The following SLC27A3 variants were observed in gnomAD, a reference collection of about 807,000 sequenced individuals.
SLC27A3 encodes the protein solute carrier family 27 member 3.
In SLC27A3, 60 loss-of-function variants were observed where a neutral mutation model predicts 60.1. The observed-to-expected ratio is 1.00, with a 90% CI of 0.81 to 1.24. The LOEUF (loss-of-function observed/expected upper bound fraction) is 1.24, where lower values mean the gene tolerates loss of function less well. SLC27A3 is among the 50% of genes most tolerant of loss of function. The pLI, the probability that SLC27A3 is intolerant of heterozygous loss-of-function variation, is 0.00. For synonymous variants in SLC27A3, 455 were observed against 409.0 expected, an observed-to-expected ratio of 1.11 and a Z score of -1.36; for missense variants, 1,079 against 929.9, an observed-to-expected ratio of 1.16 and a Z score of -2.09.
rs141064582 is a variant in SLC27A3, at chr1:153,778,740, T to C, written c.1501T>C (p.Tyr501His). Reference sequence around the variant, plus strand: ...AAGCCAGCAGTCCCCATTCCTGGGCTATGCTGGCGGGCCAGAGCTGGCCCA... The same window carrying C: ...AAGCCAGCAGTCCCCATTCCTGGGCCATGCTGGCGGGCCAGAGCTGGCCCA... ...PVSQQSPFLG[Y>H]AGGPELAQGK... The change falls in exon 7 of 10, where the codon TAT becomes CAT. Residue 501 changes from tyrosine to histidine, a missense_variant. Transcript: ENST00000624995. The C allele has an allele frequency of 1.2e-6, 2 of 1,613,732 alleles. No individual in the cohort carries two copies. Among genetic ancestry groups the C allele is most frequent in the African/African-American group, 1.3e-5 (1 of 74,902 alleles).
In SLC27A3 at chr1:153,779,490, C is replaced by T. The variant is rs759007592; in HGVS notation, c.1875+17C>T. 3 of 1,608,088 alleles carry T rather than the reference C, an allele frequency of 1.9e-6. No individual in the cohort carries two copies. The highest frequency in any genetic ancestry group is 1.1e-5 in the South Asian group (1 of 90,748). On this transcript the variant is annotated intron_variant, in intron 9 of 9. Coordinates refer to ENST00000624995, the MANE Select transcript of SLC27A3 (RefSeq NM_024330.4). ...AGGCTCCAGGTAACCGGCCACTTCC[C>T]CCGCCGGCCCCTCACCCCATATATC...
In SLC27A3 at chr1:153,778,924, A is replaced by T. The variant is rs375266680; in HGVS notation, c.1646+39A>T. 19 of 1,592,194 alleles carry T rather than the reference A, an allele frequency of 1.2e-5. No individual in the cohort carries two copies. In the Admixed American group the frequency reaches 2.7e-4, roughly 22 times the overall value. On this transcript the variant is annotated intron_variant, in intron 7 of 9. Transcript: ENST00000624995. ...ACTGGTTTTTCATCCTGGACATCTGATCTCTGTGATCCAAAGCTTCTGAAC... is the reference window on the plus strand; with the variant it reads ...ACTGGTTTTTCATCCTGGACATCTGTTCTCTGTGATCCAAAGCTTCTGAAC...
intron 3 of SLC27A3, 129 bp from the exon 4 acceptor site, chr1:153,777,632 G>A: frequency 1.7e-6 from 2 of 1,208,994 alleles, no homozygotes; most frequent in Non-Finnish European, 2.4e-6. Flanking sequence ...TCCTGACGGT[G>A]TGACTCCCAC....
Position 153,775,532 on chromosome 1 carries a change from T to C in SLC27A3, c.35T>C (p.Leu12Ser). ...AALLLLPLLL[L>S]LPLLLLKLHL... ...CTCCTGCTGCTGCCCCTGCTGCTGTTGCTACCGCTGCTGCTGCTGAAGCTA... is the reference window on the plus strand; with the variant it reads ...CTCCTGCTGCTGCCCCTGCTGCTGTCGCTACCGCTGCTGCTGCTGAAGCTA... The change falls in exon 1 of 10, where the codon TTG (leucine) becomes TCG (serine). Residue 12 changes from leucine (L) to serine (S), a missense_variant. Coordinates refer to ENST00000624995, the MANE Select transcript of SLC27A3 (RefSeq NM_024330.4). 6.2e-7 allele frequency: 1 copy of C among 1,612,634 alleles called. No individual in the cohort carries two copies. The highest frequency in any genetic ancestry group is 8.5e-7 in the Non-Finnish European group (1 of 1,179,930).
At chr1:153,776,944 C>T in intron 2 of SLC27A3, 118 bp from the exon 3 acceptor site, 1 of 1,196,184 alleles carries the variant, frequency 8.4e-7, no homozygotes, top group Non-Finnish European at 1.2e-6. Context: ...TGGTCTCGGT[C>T]CTCAGCTTCT....
Position 153,778,336 on chromosome 1 carries a change from G to T in SLC27A3, c.1337G>T (p.Arg446Leu). ...NYTGQRGAVG[R>L]ASWLYKHIFP... ...ACAGGACAGCGGGGCGCTGTGGGGC[G>T]TGCTTCCTGGCTTTACAAGGTGAGG... The change falls in exon 5 of 10, where the codon CGT (arginine) becomes CTT (leucine). Residue 446 changes from arginine (R) to leucine (L), a missense_variant. Transcript: ENST00000624995. The T allele has an allele frequency of 6.2e-7, 1 of 1,614,044 alleles. No homozygotes were observed. The highest frequency in any genetic ancestry group is 8.5e-7 in the Non-Finnish European group (1 of 1,179,946).
chr1:153,779,140 C>G lies in SLC27A3; in HGVS notation c.1673C>G (p.Thr558Ser). 1 of 1,614,160 alleles carries G rather than the reference C, an allele frequency of 6.2e-7. No individual in the cohort carries two copies. The highest frequency in any genetic ancestry group is 8.5e-7 in the Non-Finnish European group (1 of 1,180,018). Reference protein sequence around the residue: ...FRWKGENVATTEVAEVFEALD... With the variant: ...FRWKGENVATSEVAEVFEALD... ...TGGAAGGGGGAGAATGTGGCCACAA[C>G]CGAGGTGGCAGAGGTCTTCGAGGCC... The change falls in exon 8 of 10, where the codon ACC (threonine) becomes AGC (serine). Residue 558 changes from threonine to serine, a missense_variant. Transcript: ENST00000624995.
rs761010019 is a variant in SLC27A3 at position 153,775,434 on chromosome 1, G to A, written c.-64G>A. 1.9e-6 allele frequency: 3 copies of A among 1,612,106 alleles called. No homozygotes were observed. Among genetic ancestry groups the A allele is most frequent in the South Asian group, 2.2e-5 (2 of 91,090 alleles). ...AACGAGCGGCCCTAGGTTTTCGGAA[G>A]GGAGGATCAGGGATGTTTGCGAGCG... On this transcript the variant is annotated 5_prime_UTR_variant, in exon 1 of 10. Transcript: ENST00000624995.
rs746909335 is a variant in SLC27A3, at chr1:153,779,975, C to T, written c.2025C>T (p.Ala675=). ...YLPLTTARYS[A]LLAGNLRI is the part of the protein sequence containing the mutation. ...CCCTCACAACTGCCCGGTACAGCGC[C>T]CTCCTGGCAGGAAACCTTCGAATCT... Residue 675 remains alanine (A), a synonymous_variant, in exon 10 of 10, where the codon GCC becomes GCT. Transcript: ENST00000624995. 5 of 1,613,610 alleles carry T rather than the reference C, an allele frequency of 3.1e-6. No homozygotes were observed. The African/African-American group carries it at 6.7e-5, about 22-fold the overall frequency.
In SLC27A3 at chr1:153,775,512, G is replaced by A. The variant is rs926173083; in HGVS notation, c.15G>A (p.Leu5=). MAAL[L]LLPLLLLLPL... ...AAGCGGGCTCCATGGCTGCCCTCCT[G>A]CTGCTGCCCCTGCTGCTGTTGCTAC... Residue 5 remains leucine (L), a synonymous_variant, in exon 1 of 10, where the codon CTG becomes CTA. Transcript: ENST00000624995. The A allele has an allele frequency of 1.2e-6, 2 of 1,612,016 alleles. No homozygotes were observed. The highest frequency in any genetic ancestry group is 3.3e-5 in the Admixed American group (2 of 59,990).
intron 3 of SLC27A3, 37 bp from the exon 4 acceptor site, chr1:153,777,724 C>T (rs749084923): frequency 6.3e-7 from 1 of 1,586,968 alleles, no homozygotes; most frequent in South Asian, 1.1e-5. Flanking sequence ...TGCTCCTAAT[C>T]TTACCTCCCT....
intron 3 of SLC27A3, 69 bp downstream of exon 3, chr1:153,777,289 G>A (rs1285982975): frequency 1.9e-6 from 3 of 1,564,706 alleles, no homozygotes; most frequent in Non-Finnish European, 2.6e-6. Flanking sequence ...ACTATGGTGT[G>A]AGTCCTCCAG....
At position 153,779,011 on chromosome 1, in the gene SLC27A3, C is replaced by T. The variant is rs868175112; in HGVS notation, c.1647-103C>T. 48 of 1,463,982 alleles carry T rather than the reference C, an allele frequency of 3.3e-5. No homozygotes were observed. The Middle Eastern group carries it at 1.9e-3, about 58-fold the overall frequency. 90.7% of individuals were successfully genotyped at this position (1,463,982 alleles called of 1,614,324 possible). On this transcript the variant is annotated intron_variant, in intron 7 of 9. Transcript: ENST00000624995. The stretch of plus-strand genomic sequence containing the variant: ...AAGCTAATCTCTCATTCTCAGATCT[C>T]ACCATTTCATCCCTGTGACACTGAC...
Position 153,776,704 on chromosome 1 carries a change from A to G in SLC27A3, c.854A>G (p.Tyr285Cys), listed in dbSNP as rs1378583180. The G allele has an allele frequency of 6.2e-7, 1 of 1,614,162 alleles. No individual in the cohort carries two copies. Among genetic ancestry groups the G allele is most frequent in the Non-Finnish European group, 8.5e-7 (1 of 1,180,014 alleles). ...CAGAGCATAACAGACACGTGCCTGT[A>G]CATCTTCACCTCTGGCACCACGGGT... Reference protein sequence around the residue: ...SPQSITDTCLYIFTSGTTGLP... With the variant: ...SPQSITDTCLCIFTSGTTGLP... Residue 285 changes from tyrosine (Y) to cysteine (C), a missense_variant, in exon 2 of 10, where the codon TAC (tyrosine) becomes TGC (cysteine). Transcript: ENST00000624995.
chr1:153,775,949 G>C lies in SLC27A3; in HGVS notation c.452G>C (p.Gly151Ala). ...GGAAGCGGCGCGGAGTTTGCCGGAG[G>C]GGACGGTGCCGCCAGAGGTGGAGGA... The part of the protein sequence containing the change: ...AAGSGAEFAG[G>A]DGAARGGGAA... Residue 151 changes from glycine (G) to alanine (A), a missense_variant, in exon 1 of 10, where the codon GGG (glycine) becomes GCG (alanine). Physicochemically the swap from Gly to Ala is moderately conservative, Grantham distance 60. Transcript: ENST00000624995. The C allele has an allele frequency of 6.9e-7, 1 of 1,447,468 alleles. No individual in the cohort carries two copies. The highest frequency in any genetic ancestry group is 9.0e-7 in the Non-Finnish European group (1 of 1,107,288). The allele number at this position is 1,447,468 out of a possible 1,614,324, so 89.7% of individuals were successfully genotyped here.
Position 153,778,312 on chromosome 1 carries a change from C to G in SLC27A3, c.1313C>G (p.Thr438Arg), listed in dbSNP as rs141186570. The G allele has an allele frequency of 8.7e-6, 14 of 1,614,196 alleles. No individual in the cohort carries two copies. The highest frequency in any genetic ancestry group is 1.1e-5 in the Non-Finnish European group (13 of 1,180,018). The change falls in exon 5 of 10, where the codon ACA becomes AGA. Residue 438 changes from threonine (T) to arginine (R), a missense_variant. Physicochemically the swap from Thr to Arg is moderately conservative, Grantham distance 71. Transcript: ENST00000624995. ...GGCAACGTGGCCACCATCAACTACA[C>G]AGGACAGCGGGGCGCTGTGGGGCGT... is the stretch of plus-strand genomic sequence containing the variant. The part of the protein sequence containing the change: ...TEGNVATINY[T>R]GQRGAVGRAS...
intron 1 of SLC27A3, 66 bp downstream of exon 1, chr1:153,776,230 C>T: frequency 7.1e-7 from 1 of 1,405,690 alleles, no homozygotes; most frequent in East Asian, 2.7e-5. Context: ...TCGGAGACCA[C>T]AGAAAGGCTT....
rs1358892745 is a variant in SLC27A3 at position 153,779,816 on chromosome 1, C to T, written c.1876-10C>T. The T allele has an allele frequency of 4.3e-6, 7 of 1,612,208 alleles. No homozygotes were observed. The highest frequency in any genetic ancestry group is 1.3e-5 in the African/African-American group (1 of 74,824). On this transcript the variant is annotated splice_polypyrimidine_tract_variant and intron_variant, in intron 9 of 9. Coordinates refer to ENST00000624995, the MANE Select transcript of SLC27A3 (RefSeq NM_024330.4). ...CCTTCCCTCCAAATCCCTGACCCTC[C>T]TGTCCCCAGGAGTCTTTGGCCACCA... is the stretch of plus-strand genomic sequence containing the variant.
At position 153,779,388 on chromosome 1, in the gene SLC27A3, C is replaced by G. The variant is rs764205164; in HGVS notation, c.1790C>G (p.Pro597Arg). The stretch of plus-strand genomic sequence containing the variant: ...ATGGCAGCCCTAGTTCTGCGTCCCC[C>G]CCACGCTTTGGACCTTATGCAGCTC... ...AGMAALVLRPPHALDLMQLYT... is the reference protein window; with the variant it reads ...AGMAALVLRPRHALDLMQLYT... The change falls in exon 9 of 10, where the codon CCC (proline) becomes CGC (arginine). Residue 597 changes from proline to arginine, a missense_variant. Pro to Arg is a moderately radical substitution (Grantham distance 103). Transcript: ENST00000624995. 4.0e-5 allele frequency: 64 copies of G among 1,613,088 alleles called. No individual in the cohort carries two copies. The South Asian group carries it at 6.6e-4, about 17-fold the overall frequency.
Sources: gnomAD v4.1 joint callset for allele counts on GRCh38, gnomAD v4.1.1 for gene constraint, MANE v1.5 for transcripts, NCBI Gene and HGNC (gene_info 2026-07-23, HGNC 2026-07-21) for gene names.